Variants in SPAG16 observed in about 807,000 individuals in gnomAD.
SPAG16 encodes sperm associated antigen 16.
SPAG16 carries 86 observed loss-of-function variants against 80.4 expected under a neutral mutation model. The observed-to-expected ratio is 1.07, with a 90% CI of 0.90 to 1.28. The LOEUF (loss-of-function observed/expected upper bound fraction) is 1.28, where lower values mean the gene tolerates loss of function less well. Among genes scored for constraint, SPAG16 ranks in the 50% most tolerant of loss-of-function variants. The pLI is 0.00. For missense variants in SPAG16, 870 were observed against 765.3 expected, an observed-to-expected ratio of 1.14 and a Z score of -1.61; for synonymous variants, 294 against 265.9, an observed-to-expected ratio of 1.11 and a Z score of -1.03.
chr2:213,407,138 G>T (rs1328460958), intron 9 of SPAG16, among the ~76,000 whole-genome samples: 1 of 152,158 alleles, frequency 6.6e-6, no homozygotes, highest in Non-Finnish European at 1.5e-5. Flanking sequence ...TTGCAGTGTT[G>T]TTCGTGTGGA....
At chr2:213,291,533 G>C (rs767122764) in intron 1 of SPAG16, among the ~76,000 whole-genome samples, 15 of 152,142 alleles carry the variant, frequency 9.9e-5, no homozygotes, top group Non-Finnish European at 1.0e-4. Flanking sequence ...GTTAGATTTC[G>C]TTTTGAGTCT....
rs112918148 is a variant in SPAG16 at position 213,826,750 on chromosome 2, G to A, written c.1071-35735G>A. 5.7e-3 allele frequency among the ~76,000 whole-genome samples: 873 copies of A among 151,974 alleles called. 8 individuals carry two copies. Among genetic ancestry groups the A allele is most frequent in the African/African-American group, 0.02 (848 of 41,508 alleles). On this transcript the variant is annotated intron_variant, in intron 10 of 15. Coordinates refer to ENST00000331683, the MANE Select transcript of SPAG16 (RefSeq NM_024532.5). Reference sequence around the variant, plus strand: ...TGAAAAGTTCTGTTAATATCTGTTAGGTCCATTTGTTCTATAGTATGGATT... The same window carrying A: ...TGAAAAGTTCTGTTAATATCTGTTAAGTCCATTTGTTCTATAGTATGGATT...
chr2:213,627,712 ATGAATGAAC>A (rs2062008743), intron 10 of SPAG16, among the ~76,000 whole-genome samples: 1 of 152,278 alleles, frequency 6.6e-6, no homozygotes, highest in Non-Finnish European at 1.5e-5. Context: ...TGACAAATAA[ATGAATGAAC>A]TGAATGATCA....
At chr2:213,940,658 C>A (rs977873210) in intron 12 of SPAG16, among the ~76,000 whole-genome samples, 3 of 151,636 alleles carry the variant, frequency 2.0e-5, no homozygotes, top group Non-Finnish European at 4.4e-5. Flanking sequence ...ATTAACTTCA[C>A]TACTTTACAT....
At chr2:213,350,977 A>G (rs761741284) in intron 7 of SPAG16, among the ~76,000 whole-genome samples, 1 of 151,512 alleles carries the variant, frequency 6.6e-6, no homozygotes, top group South Asian at 2.1e-4. Context: ...TACAAAAAAA[A>G]AAAAACAAAA....
intron 10 of SPAG16, among the ~76,000 whole-genome samples, chr2:213,548,219 G>T (rs2076674521): frequency 6.6e-6 from 1 of 152,096 alleles, no homozygotes; most frequent in African/African-American, 2.4e-5. Flanking sequence ...TTTCCTTACA[G>T]CTTTTTTTTT....
At position 213,721,685 on chromosome 2, in the gene SPAG16, TCAG is replaced by T. The variant is rs1410228657; in HGVS notation, c.1071-140797_1071-140795del. 5.9e-5 allele frequency among the ~76,000 whole-genome samples: 9 copies of T among 152,172 alleles called. No homozygotes were observed. The South Asian group carries it at 1.5e-3, about 25-fold the overall frequency. Reference sequence around the variant, plus strand: ...ATCATACTGCATGTGTATTTTGTTCTCAGCATGGAAAAGTACATGTCAAATAGT... The same window carrying T: ...ATCATACTGCATGTGTATTTTGTTCTCATGGAAAAGTACATGTCAAATAGT... On this transcript the variant is annotated intron_variant, in intron 10 of 15. Transcript: ENST00000331683.
At chr2:213,838,264 T>C (rs982752150) in intron 10 of SPAG16, among the ~76,000 whole-genome samples, 7 of 152,144 alleles carry the variant, frequency 4.6e-5, no homozygotes, top group African/African-American at 7.2e-5. Flanking sequence ...CTCTGCCTCC[T>C]GGGTTCAAGC....
chr2:214,266,413 A>T (rs1328918753), intron 15 of SPAG16, among the ~76,000 whole-genome samples: 1 of 151,872 alleles, frequency 6.6e-6, no homozygotes, highest in African/African-American at 2.4e-5. Flanking sequence ...GAGCAAACCT[A>T]TTTAAACATT....
At chr2:214,355,428 A>G (rs1280294067) in intron 15 of SPAG16, among the ~76,000 whole-genome samples, 2 of 145,616 alleles carry the variant, frequency 1.4e-5, no homozygotes, top group Non-Finnish European at 3.0e-5. Context: ...AAAAATGTTC[A>G]CCATCACTGG....
intron 15 of SPAG16, among the ~76,000 whole-genome samples, chr2:214,379,820 C>A (rs1441794084): frequency 7.5e-6 from 1 of 132,554 alleles, no homozygotes; most frequent in Non-Finnish European, 1.5e-5. Flanking sequence ...TAAGCACTTG[C>A]AGAGGACTAA....
chr2:213,429,830 A>T (rs1385001919), intron 9 of SPAG16, among the ~76,000 whole-genome samples: 2 of 152,240 alleles, frequency 1.3e-5, no homozygotes, highest in Non-Finnish European at 2.9e-5. Flanking sequence ...TCTCAAGAAA[A>T]AAATAAAAGT....
chr2:213,370,697 C>A (rs867528340), intron 8 of SPAG16, among the ~76,000 whole-genome samples: 1 of 152,170 alleles, frequency 6.6e-6, no homozygotes, highest in African/African-American at 2.4e-5. Context: ...CTTGACATAT[C>A]AATTAAAATA....
intron 10 of SPAG16, among the ~76,000 whole-genome samples, chr2:213,809,668 A>T (rs2072002398): frequency 6.6e-6 from 1 of 152,134 alleles, no homozygotes; most frequent in Admixed American, 6.6e-5. Context: ...GAAGTTTAAA[A>T]TTACAATTAA....
chr2:213,783,087 C>A (rs2070113813), intron 10 of SPAG16, among the ~76,000 whole-genome samples: 1 of 144,016 alleles, frequency 6.9e-6, no homozygotes, highest in Non-Finnish European at 1.5e-5. Context: ...GTGATATTCC[C>A]CTTCCTGTGT....
At chr2:213,648,197 C>A (rs2062891888) in intron 10 of SPAG16, among the ~76,000 whole-genome samples, 1 of 152,028 alleles carries the variant, frequency 6.6e-6, no homozygotes, top group Admixed American at 6.5e-5. Context: ...CTAGGAATAG[C>A]AAGCAAAGTT....
chr2:213,577,596 C>T (rs985632337), intron 10 of SPAG16, among the ~76,000 whole-genome samples: 1 of 152,128 alleles, frequency 6.6e-6, no homozygotes, highest in African/African-American at 2.4e-5. Flanking sequence ...AGGATCCAAT[C>T]CTGACACTTA....
intron 13 of SPAG16, among the ~76,000 whole-genome samples, chr2:214,033,381 A>C (rs923266340): frequency 6.6e-6 from 1 of 152,216 alleles, no homozygotes; most frequent in Non-Finnish European, 1.5e-5. Context: ...GCAGAGTTAG[A>C]TGCAGAGAAG....
intron 15 of SPAG16, among the ~76,000 whole-genome samples, chr2:214,318,260 A>T (rs1695829446): frequency 6.6e-6 from 1 of 152,086 alleles, no homozygotes; most frequent in Admixed American, 6.5e-5. Flanking sequence ...GAAGGAGGAA[A>T]CCCAGCAAAT....
Sources: allele counts gnomAD v4.1 joint callset (sites outside exome capture counted in the v4.1 genomes callset), GRCh38; gene constraint gnomAD v4.1.1; transcripts MANE v1.5; gene names NCBI Gene and HGNC (gene_info 2026-07-23, HGNC 2026-07-21).